ATF7IP: variants seen among roughly 807,000 people sequenced by gnomAD.
ATF7IP encodes the protein activating transcription factor 7 interacting protein.
A neutral mutation model predicts 106.4 loss-of-function variants in ATF7IP; 23 were observed. The ratio of observed to expected loss-of-function variants is 0.22; its 90% CI spans 0.16 to 0.31. The LOEUF (loss-of-function observed/expected upper bound fraction) is 0.31, where lower values mean the gene tolerates loss of function less well. ATF7IP is among the 10% of genes least tolerant of loss of function. The probability of loss-of-function intolerance (pLI) is 1.00; values close to 1 mark genes in which losing one functional copy is unlikely to be tolerated. For missense variants in ATF7IP, 1,334 were observed against 1,524.3 expected (o/e 0.88, Z 2.08); for synonymous variants, 542 against 539.0 (o/e 1.01, Z -0.08).
rs753872561 is a variant in ATF7IP at position 14,457,300 on chromosome 12, CT to C, written c.2158+14del. ...TTCAAACTCCTGTGAATACAGGTAA[CT>C]TTTTTTTTAAATACCAAAATACATT... On this transcript the variant is annotated splice_donor_region_variant and intron_variant, in intron 8 of 14. Coordinates refer to ENST00000261168, the MANE Select transcript of ATF7IP (RefSeq NM_018179.5). 3.7e-4 allele frequency: 586 copies of C among 1,573,452 alleles called. 1 individual carries two copies. The highest frequency in any genetic ancestry group is 5.3e-4 in the Admixed American group (28 of 53,264).
At chr12:14,483,668 A>T (rs532631923) in intron 13 of ATF7IP, among the ~76,000 whole-genome samples, 66 of 152,022 alleles carry the variant, frequency 4.3e-4, no homozygotes, top group Non-Finnish European at 1.2e-4. Flanking sequence ...AATCCTGGCT[A>T]TGGGAGAAAC....
chr12:14,447,522 C>T (rs1440677183), intron 6 of ATF7IP, among the ~76,000 whole-genome samples: 2 of 152,048 alleles, frequency 1.3e-5, no homozygotes, highest in Non-Finnish European at 1.5e-5. Flanking sequence ...CATCAGGAGT[C>T]CATCTACCTT....
chr12:14,403,703 A>G (rs921698860), intron 1 of ATF7IP, among the ~76,000 whole-genome samples: 2 of 152,200 alleles, frequency 1.3e-5, no homozygotes, highest in African/African-American at 4.8e-5. Context: ...GAGCTTAGTT[A>G]TATGTACTTG....
At chr12:14,410,688 G>A (rs1401499799) in intron 1 of ATF7IP, among the ~76,000 whole-genome samples, 1 of 152,010 alleles carries the variant, frequency 6.6e-6, no homozygotes, top group East Asian at 1.9e-4. Context: ...TGTTATAATT[G>A]TTCTATTTTA....
At chr12:14,416,810 A>G in intron 1 of ATF7IP, 1 of 604,248 alleles carries the variant, frequency 1.7e-6, no homozygotes, top group Non-Finnish European at 2.1e-6. Flanking sequence ...TTGGTTTTAG[A>G]CTATTTCGGC....
At chr12:14,477,778 T>A (rs996061065) in intron 11 of ATF7IP, among the ~76,000 whole-genome samples, 20 of 151,972 alleles carry the variant, frequency 1.3e-4, no homozygotes, top group African/African-American at 4.9e-4. Flanking sequence ...AGTGGTTTCC[T>A]GTTTTTAAGA....
intron 1 of ATF7IP, among the ~76,000 whole-genome samples, chr12:14,401,254 C>T (rs894828299): frequency 1.3e-5 from 2 of 148,590 alleles, no homozygotes; most frequent in African/African-American, 2.5e-5. Context: ...GGAATATAGT[C>T]GTGTGATCTC....
chr12:14,501,671 C>T lies in ATF7IP; in HGVS notation c.*3598C>T, dbSNP rs1056687713. On this transcript the variant is annotated 3_prime_UTR_variant, in exon 15 of 15. Coordinates refer to ENST00000261168, the MANE Select transcript of ATF7IP (RefSeq NM_018179.5). ...CGGTATTTGTTGAGATACCATTTGC[C>T]TCACAGAGAGGTGTTCCCCACTCCC... 2.6e-5 allele frequency: 4 copies of T among 152,266 alleles called. No homozygotes were observed. Among genetic ancestry groups the T allele is most frequent in the East Asian group, 1.9e-4 (1 of 5,184 alleles). 9.4% of individuals were successfully genotyped at this position (152,266 alleles called of 1,614,324 possible).
intron 11 of ATF7IP, 97 bp from the exon 12 acceptor site, chr12:14,478,220 C>G (rs908551873): frequency 8.8e-7 from 1 of 1,134,312 alleles, no homozygotes; most frequent in Non-Finnish European, 1.3e-6. Context: ...ATGTGACACA[C>G]AAGTGGCAAG....
chr12:14,424,375 T>TCCACCTCTGGTGATC lies in ATF7IP; in HGVS notation c.469_483dup (p.Gly157_Ser161dup), dbSNP rs1941715836. 7 of 1,612,630 alleles carry TCCACCTCTGGTGATC rather than the reference T, an allele frequency of 4.3e-6. No individual in the cohort carries two copies. The highest frequency in any genetic ancestry group is 2.2e-5 in the East Asian group (1 of 44,784). Reference sequence around the variant, plus strand: ...CTCCGGAGTACTGGCCTCTGGTGATTCCACCTCTGGTGATCCCACCTCTAG... The same window carrying TCCACCTCTGGTGATC: ...CTCCGGAGTACTGGCCTCTGGTGATTCCACCTCTGGTGATCCCACCTCTGGTGATCCCACCTCTAG... On this transcript the variant is annotated inframe_insertion, in exon 2 of 15. Coordinates refer to ENST00000261168, the MANE Select transcript of ATF7IP (RefSeq NM_018179.5).
intron 1 of ATF7IP, among the ~76,000 whole-genome samples, chr12:14,405,403 C>CTTTTTTTTTTTTTTTTT (rs145211652): frequency 1.2e-5 from 1 of 83,558 alleles, no homozygotes; most frequent in Non-Finnish European, 2.2e-5. Flanking sequence ...TTTCTTTCAT[C>CTTTTTTTTTTTTTTTTT]TTTTTTTTTT....
chr12:14,424,580 G>A lies in ATF7IP; in HGVS notation c.665G>A (p.Gly222Asp). 6.2e-7 allele frequency: 1 copy of A among 1,614,094 alleles called. No homozygotes were observed. The highest frequency in any genetic ancestry group is 8.5e-7 in the Non-Finnish European group (1 of 1,180,034). Residue 222 changes from glycine to aspartate, a missense_variant, in exon 2 of 15, where the codon GGT (glycine) becomes GAT (aspartate). Physicochemically the swap from Gly to Asp is moderately conservative, Grantham distance 94 (BLOSUM62 -1). Around this residue, in one of 10 missense-constraint regions of ATF7IP, gnomAD observed 438 missense variants for 405.3 expected, o/e 1.08. Transcript: ENST00000261168. ...GEPVPVEPIS[G>D]DCAADDIASS... ...CCGGTCCCTGTTGAACCCATTTCTG[G>A]TGATTGTGCCGCTGATGATATAGCC...
intron 1 of ATF7IP, chr12:14,385,466 CT>C (rs1939183551): frequency 1.4e-6 from 2 of 1,426,098 alleles, no homozygotes; most frequent in Admixed American, 4.3e-5. Context: ...AGGAATTTAA[CT>C]GAGTTTACTT....
intron 1 of ATF7IP, chr12:14,367,394 C>G (rs1174068230): frequency 6.6e-6 from 1 of 151,840 alleles, no homozygotes; most frequent in Non-Finnish European, 1.5e-5. Flanking sequence ...AATATTTGAC[C>G]TGATGTAATT....
At chr12:14,376,467 C>T (rs962448398) in intron 1 of ATF7IP, among the ~76,000 whole-genome samples, 2 of 152,210 alleles carry the variant, frequency 1.3e-5, no homozygotes, top group East Asian at 3.8e-4. Flanking sequence ...TACAGAAATA[C>T]ATCCCTATTG....
chr12:14,465,870 C>G (rs973508075), intron 9 of ATF7IP, among the ~76,000 whole-genome samples: 2 of 152,076 alleles, frequency 1.3e-5, no homozygotes, highest in Non-Finnish European at 2.9e-5. Context: ...TTTAAAAACT[C>G]CATGTTACCA....
intron 10 of ATF7IP, among the ~76,000 whole-genome samples, chr12:14,475,602 T>C (rs1944233959): frequency 6.6e-6 from 1 of 152,234 alleles, no homozygotes; most frequent in African/African-American, 2.4e-5. Context: ...ACAAAATGAA[T>C]AGTGTTTCTG....
chr12:14,484,069 C>T (rs1410542626), intron 13 of ATF7IP, among the ~76,000 whole-genome samples: 1 of 152,068 alleles, frequency 6.6e-6, no homozygotes, highest in East Asian at 1.9e-4. Context: ...TGGAAGAGGT[C>T]CAGTATAATC....
At position 14,469,368 on chromosome 12, in the gene ATF7IP, A is replaced by C. The variant is rs866672028; in HGVS notation, c.2862+2778A>C. ...TGACAGAATGAGACTGTCTCAAAAAAAAAAAAAAAAAAAAACTTGGACATC... is the reference window on the plus strand; with the variant it reads ...TGACAGAATGAGACTGTCTCAAAAACAAAAAAAAAAAAAAACTTGGACATC... On this transcript the variant is annotated intron_variant, in intron 10 of 14. Transcript: ENST00000261168. Among the ~76,000 whole-genome samples the C allele has an allele frequency of 8.3e-3, 1,258 of 151,256 alleles. 7 individuals are homozygous for C. The highest frequency in any genetic ancestry group is 0.024 in the African/African-American group (995 of 41,194).
Sources: allele counts gnomAD v4.1 joint callset (sites outside exome capture counted in the v4.1 genomes callset), GRCh38; gene constraint gnomAD v4.1.1; regional missense constraint gnomAD v4.1.1; transcripts MANE v1.5; gene names NCBI Gene and HGNC (gene_info 2026-07-23, HGNC 2026-07-21).